ZC3H12C: variants seen among roughly 807,000 people sequenced by gnomAD.
ZC3H12C encodes zinc finger CCCH-type containing 12C.
ZC3H12C carries 20 observed loss-of-function variants against 76.3 expected under a neutral mutation model. That is an observed-to-expected ratio of 0.26 (90% CI 0.18 to 0.38). The LOEUF (loss-of-function observed/expected upper bound fraction) is 0.38, where lower values mean the gene tolerates loss of function less well. ZC3H12C is among the 10% of genes least tolerant of loss of function. The pLI is 1.00. For missense variants in ZC3H12C, 874 were observed against 1,086.5 expected, an observed-to-expected ratio of 0.80 and a Z score of 2.75; for synonymous variants, 352 against 399.6, an observed-to-expected ratio of 0.88 and a Z score of 1.42.
intron 2 of ZC3H12C, among the ~76,000 whole-genome samples, chr11:110,143,935 T>C (rs1862115240): frequency 6.6e-6 from 1 of 152,242 alleles, no homozygotes; most frequent in South Asian, 2.1e-4. Flanking sequence ...GTAATAGAAG[T>C]TTTATAATCA....
chr11:110,128,647 A>G (rs1327157175), intron 1 of ZC3H12C, among the ~76,000 whole-genome samples: 3 of 152,188 alleles, frequency 2.0e-5, no homozygotes, highest in African/African-American at 2.4e-5. Context: ...ATATGAATTC[A>G]TAAATACTGA....
At chr11:110,136,409 G>A (rs1256633257) in intron 1 of ZC3H12C, 2 of 392,282 alleles carry the variant, frequency 5.1e-6, no homozygotes, top group East Asian at 4.5e-5. Flanking sequence ...AGACGAAACT[G>A]GGTAAAAAAA....
At chr11:110,131,310 A>T (rs772073759) in intron 1 of ZC3H12C, 6 of 566,142 alleles carry the variant, frequency 1.1e-5, no homozygotes, top group Non-Finnish European at 1.9e-5. Flanking sequence ...GAGTTATATA[A>T]ATAATTACTT....
intron 1 of ZC3H12C, among the ~76,000 whole-genome samples, chr11:110,104,179 G>A (rs994349262): frequency 9.2e-5 from 14 of 151,602 alleles, no homozygotes; most frequent in African/African-American, 3.4e-4. Flanking sequence ...GGGTAGCTGG[G>A]TTATGGACCA....
intron 1 of ZC3H12C, among the ~76,000 whole-genome samples, chr11:110,121,897 C>T (rs1861657325): frequency 6.6e-6 from 1 of 152,020 alleles, no homozygotes; most frequent in African/African-American, 2.4e-5. Flanking sequence ...AATTCCTGTA[C>T]AAGCATGGTA....
intron 2 of ZC3H12C, among the ~76,000 whole-genome samples, chr11:110,142,246 A>G (rs1329507999): frequency 6.6e-6 from 1 of 152,188 alleles, no homozygotes; most frequent in Non-Finnish European, 1.5e-5. Context: ...TCTAGTTGTC[A>G]TCAATGTCAT....
Position 110,138,452 on chromosome 11 carries a change from G to A in ZC3H12C, c.773+1038G>A, listed in dbSNP as rs1411291616. Among the ~76,000 whole-genome samples, 3 of 151,848 alleles carry A rather than the reference G, an allele frequency of 2.0e-5. No homozygotes were observed. The East Asian group carries it at 5.8e-4, about 29-fold the overall frequency. ...CTACATCAAAAAGTAAAAAGAAACA[G>A]GTAAAATTAATGTGACTAATGTATT... On this transcript the variant is annotated intron_variant, in intron 2 of 5. Transcript: ENST00000278590.
intron 1 of ZC3H12C, among the ~76,000 whole-genome samples, chr11:110,113,862 A>G (rs1565250533): frequency 1.3e-5 from 2 of 152,172 alleles, no homozygotes; most frequent in African/African-American, 2.4e-5. Flanking sequence ...TTAGACTATT[A>G]TAAGACCTTC....
At chr11:110,114,380 T>C (rs974550916) in intron 1 of ZC3H12C, among the ~76,000 whole-genome samples, 6 of 152,224 alleles carry the variant, frequency 3.9e-5, no homozygotes, top group African/African-American at 1.4e-4. Flanking sequence ...CTATGACATA[T>C]CCCTATATGC....
chr11:110,152,972 G>C lies in ZC3H12C; in HGVS notation c.827G>C (p.Trp276Ser), dbSNP rs1862303037. The C allele has an allele frequency of 6.2e-7, 1 of 1,612,282 alleles. No homozygotes were observed. The highest frequency in any genetic ancestry group is 1.3e-5 in the African/African-American group (1 of 75,030). Residue 276 changes from tryptophan (W) to serine (S), a missense_variant, in exon 3 of 6, where the codon TGG (tryptophan) becomes TCG (serine). Coordinates refer to ENST00000278590, the MANE Select transcript of ZC3H12C (RefSeq NM_033390.2). ...AGAGGAATAAAATTGGCAGTGGATT[G>C]GTTTTTGGAAAGAGGCCACAAAGAC... ...SCRGIKLAVD[W>S]FLERGHKDIT...
At chr11:110,135,915 G>A (rs1228843920) in intron 1 of ZC3H12C, 1 of 152,018 alleles carries the variant, frequency 6.6e-6, no homozygotes, top group Non-Finnish European at 1.5e-5. Flanking sequence ...TGTTTCCCTG[G>A]CACTTAATAA....
intron 1 of ZC3H12C, among the ~76,000 whole-genome samples, chr11:110,118,024 TATATATTATATATATATACAC>T (rs1861585010): frequency 9.6e-6 from 1 of 103,792 alleles, no homozygotes; most frequent in African/African-American, 3.4e-5. Flanking sequence ...CACACACACA[TATATATTATATATATATACAC>T]ATATATATTA....
chr11:110,163,882 T>C (rs958858647), intron 5 of ZC3H12C, among the ~76,000 whole-genome samples: 1 of 152,108 alleles, frequency 6.6e-6, no homozygotes, highest in Non-Finnish European at 1.5e-5. Flanking sequence ...GCAGATCACA[T>C]GAGGCCAGGA....
At position 110,136,897 on chromosome 11, in the gene ZC3H12C, A is replaced by G. The variant is rs1189117329; in HGVS notation, c.256A>G (p.Ser86Gly). Residue 86 changes from serine to glycine, a missense_variant, in exon 2 of 6, where the codon AGC (serine) becomes GGC (glycine). This residue lies in a region of ZC3H12C where 210 missense variants were observed against 227.1 expected (regional missense o/e 0.92). Transcript: ENST00000278590. ...AAAAGAGGCGTCTGAAGAGAATGCA[A>G]GCTCTGGTGACTCTGAAGAAAACAC... ...DEKEASEENA[S>G]SGDSEENTNS... 6.2e-7 allele frequency: 1 copy of G among 1,613,870 alleles called. No homozygotes were observed. The highest frequency in any genetic ancestry group is 1.3e-5 in the African/African-American group (1 of 75,066).
Position 110,136,937 on chromosome 11 carries a change from A to T in ZC3H12C, c.296A>T (p.Glu99Val). Residue 99 changes from glutamate (E) to valine (V), a missense_variant, in exon 2 of 6, where the codon GAG becomes GTG. Around this residue, in one of 3 missense-constraint regions of ZC3H12C, gnomAD observed 210 missense variants for 227.1 expected, o/e 0.92. Transcript: ENST00000278590. The part of the protein sequence containing the change: ...DSEENTNSDH[E>V]SEQLGSISVE... ...GAAGAAAACACAAATTCTGATCATGAGTCAGAACAATTGGGTAGCATTTCA... is the reference window on the plus strand; with the variant it reads ...GAAGAAAACACAAATTCTGATCATGTGTCAGAACAATTGGGTAGCATTTCA... 1 of 1,613,768 alleles carries T rather than the reference A, an allele frequency of 6.2e-7. No homozygotes were observed. Among genetic ancestry groups the T allele is most frequent in the Non-Finnish European group, 8.5e-7 (1 of 1,179,810 alleles).
intron 2 of ZC3H12C, among the ~76,000 whole-genome samples, chr11:110,139,899 C>T (rs891995202): frequency 5.9e-5 from 8 of 135,742 alleles, no homozygotes; most frequent in African/African-American, 2.0e-4. Flanking sequence ...GACTGAGTCT[C>T]GCTTTGTCAC....
chr11:110,136,947 A>G lies in ZC3H12C; in HGVS notation c.306A>G (p.Gln102=), dbSNP rs1345714832. ...CAAATTCTGATCATGAGTCAGAACA[A>G]TTGGGTAGCATTTCAGTAGAGCCAG... ...ENTNSDHESE[Q]LGSISVEPGL... is the part of the protein sequence containing the mutation. The change falls in exon 2 of 6, where the codon CAA becomes CAG. Residue 102 remains glutamine, a synonymous_variant. Coordinates refer to ENST00000278590, the MANE Select transcript of ZC3H12C (RefSeq NM_033390.2). 1.9e-6 allele frequency: 3 copies of G among 1,613,700 alleles called. No individual in the cohort carries two copies. The highest frequency in any genetic ancestry group is 2.2e-5 in the East Asian group (1 of 44,872).
chr11:110,104,154 G>A (rs533733954), intron 1 of ZC3H12C, among the ~76,000 whole-genome samples: 3 of 151,790 alleles, frequency 2.0e-5, no homozygotes, highest in South Asian at 4.2e-4. Context: ...CACAATTTTC[G>A]TGCCTCAACC....
rs1862562775 is a variant in ZC3H12C at position 110,165,422 on chromosome 11, G to T, written c.2337G>T (p.Arg779Ser). 6.2e-7 allele frequency: 1 copy of T among 1,613,882 alleles called. No individual in the cohort carries two copies. Among genetic ancestry groups the T allele is most frequent in the Admixed American group, 1.7e-5 (1 of 60,000 alleles). The change falls in exon 6 of 6, where the codon AGG (arginine) becomes AGT (serine). Residue 779 changes from arginine (R) to serine (S), a missense_variant. By Grantham distance (110) the Arg-to-Ser change is moderately radical. This residue lies in a region of ZC3H12C where 395 missense variants were observed against 434.4 expected (regional missense o/e 0.91). Transcript: ENST00000278590. Reference sequence around the variant, plus strand: ...AGGAAGGCCTGGGAAGCTGGGAGAGGCCAGGCTATGGGATCGACGCCTATG... The same window carrying T: ...AGGAAGGCCTGGGAAGCTGGGAGAGTCCAGGCTATGGGATCGACGCCTATG... ...SRQEGLGSWE[R>S]PGYGIDAYGY... is the part of the protein sequence containing the mutation.
Sources: gnomAD v4.1 joint callset for allele counts (sites outside exome capture counted in the v4.1 genomes callset) on GRCh38, gnomAD v4.1.1 for gene constraint, gnomAD v4.1.1 regional missense constraint, MANE v1.5 for transcripts, NCBI Gene and HGNC (gene_info 2026-07-23, HGNC 2026-07-21) for gene names.